The following PRKCA variants were observed in gnomAD, a reference collection of about 807,000 sequenced individuals.
PRKCA encodes protein kinase C alpha, also known as protein kinase C alpha type.
In PRKCA, 27 loss-of-function variants were observed where a neutral mutation model predicts 87.0. The ratio of observed to expected loss-of-function variants is 0.31; its 90% CI spans 0.23 to 0.43. The LOEUF is 0.43. Ranked by LOEUF, PRKCA falls within the 20% of genes least tolerant of loss-of-function variation. The probability of loss-of-function intolerance (pLI) is 1.00; values close to 1 mark genes in which losing one functional copy is unlikely to be tolerated. For missense variants in PRKCA, 518 were observed against 852.3 expected (o/e 0.61, Z 4.88); for synonymous variants, 329 against 311.1 (o/e 1.06, Z -0.61).
At chr17:66,344,178 C>T (rs144804606) in intron 2 of PRKCA, among the ~76,000 whole-genome samples, 299 of 152,238 alleles carry the variant, frequency 2.0e-3, no homozygotes, top group African/African-American at 6.4e-3. Context: ...ATTTCCTATT[C>T]GGCATTTTAG....
At chr17:66,787,968 C>T (rs1276176172) in intron 15 of PRKCA, among the ~76,000 whole-genome samples, 4 of 152,196 alleles carry the variant, frequency 2.6e-5, no homozygotes, top group African/African-American at 4.8e-5. Flanking sequence ...TTGGATTGTT[C>T]CTGCTTTGGT....
intron 3 of PRKCA, among the ~76,000 whole-genome samples, chr17:66,510,028 T>G (rs1338347372): frequency 7.2e-5 from 11 of 152,238 alleles, no homozygotes; most frequent in Admixed American, 7.2e-4. Flanking sequence ...TTGTTTTGTT[T>G]GAGACTTTTG....
chr17:66,406,006 T>G (rs1269510281), intron 2 of PRKCA, among the ~76,000 whole-genome samples: 1 of 152,184 alleles, frequency 6.6e-6, no homozygotes, highest in Non-Finnish European at 1.5e-5. Context: ...CCTTCCCTTT[T>G]CTCCAGCCAG....
At chr17:66,589,544 G>A (rs1598797984) in intron 3 of PRKCA, among the ~76,000 whole-genome samples, 1 of 152,094 alleles carries the variant, frequency 6.6e-6, no homozygotes. Context: ...CAATCTTTAA[G>A]TGAACCTTCT....
intron 3 of PRKCA, among the ~76,000 whole-genome samples, chr17:66,569,421 T>C (rs978803396): frequency 1.3e-5 from 2 of 151,988 alleles, no homozygotes; most frequent in African/African-American, 4.8e-5. Context: ...ATACAAAAAT[T>C]AGCCAGGCAT....
At chr17:66,788,714 C>T in intron 15 of PRKCA, 125 bp from the exon 16 acceptor site, 4 of 1,160,212 alleles carry the variant, frequency 3.4e-6, no homozygotes, top group South Asian at 3.1e-5. Context: ...TCTTGGTCAG[C>T]TCTCTGAGAT....
intron 3 of PRKCA, among the ~76,000 whole-genome samples, chr17:66,574,066 G>T (rs781372129): frequency 1.3e-5 from 2 of 152,130 alleles, no homozygotes; most frequent in Non-Finnish European, 2.9e-5. Flanking sequence ...CAACACCCAG[G>T]GTTGACAAGG....
At chr17:66,642,600 A>G (rs960211352) in intron 4 of PRKCA, among the ~76,000 whole-genome samples, 64 of 152,336 alleles carry the variant, frequency 4.2e-4, no homozygotes, top group African/African-American at 1.5e-3. Context: ...TTCATTTGCT[A>G]TGATGGCCAG....
rs867560554 is a variant in PRKCA, at chr17:66,761,401, A to G, written c.1525-12586A>G. Among the ~76,000 whole-genome samples the G allele has an allele frequency of 5.0e-4, 76 of 150,960 alleles. 1 individual carries two copies. In the Middle Eastern group the frequency reaches 0.011, roughly 21 times the overall value. On this transcript the variant is annotated intron_variant, in intron 13 of 16. Coordinates refer to ENST00000413366, the MANE Select transcript of PRKCA (RefSeq NM_002737.3). ...AAAAAAGATACATAGTTTGGACTCTAGACTCTTTGTTTTTAATCTTGTGGT... is the reference window on the plus strand; with the variant it reads ...AAAAAAGATACATAGTTTGGACTCTGGACTCTTTGTTTTTAATCTTGTGGT...
chr17:66,323,497 A>G (rs1905800989), intron 2 of PRKCA, among the ~76,000 whole-genome samples: 1 of 152,210 alleles, frequency 6.6e-6, no homozygotes, highest in Non-Finnish European at 1.5e-5. Flanking sequence ...TGAGACATCT[A>G]CTGAGTGCTA....
intron 8 of PRKCA, among the ~76,000 whole-genome samples, chr17:66,698,841 T>C (rs563219151): frequency 9.5e-4 from 128 of 134,946 alleles, no homozygotes; most frequent in African/African-American, 3.1e-3. Context: ...AAAAAATAGG[T>C]GTAGTGGTGC....
intron 2 of PRKCA, among the ~76,000 whole-genome samples, chr17:66,331,935 A>T: frequency 6.6e-6 from 1 of 152,188 alleles, no homozygotes; most frequent in East Asian, 1.9e-4. Flanking sequence ...GACAATATAA[A>T]CTACGCATTG....
chr17:66,433,240 A>G (rs1913189136), intron 2 of PRKCA, among the ~76,000 whole-genome samples: 2 of 152,144 alleles, frequency 1.3e-5, no homozygotes, highest in African/African-American at 2.4e-5. Context: ...CCCTGGAGGA[A>G]ACCCCAGGGC....
chr17:66,427,499 A>G (rs1278651875), intron 2 of PRKCA, among the ~76,000 whole-genome samples: 1 of 152,144 alleles, frequency 6.6e-6, no homozygotes, highest in African/African-American at 2.4e-5. Context: ...AAGTTTGTTC[A>G]CTTCTGGTCT....
At chr17:66,781,864 G>GATAT (rs1474229305) in intron 14 of PRKCA, among the ~76,000 whole-genome samples, 2 of 117,326 alleles carry the variant, frequency 1.7e-5, no homozygotes. Flanking sequence ...GAGAGAGAGA[G>GATAT]AGAGATATAT....
At chr17:66,527,305 AG>A (rs1212238260) in intron 3 of PRKCA, among the ~76,000 whole-genome samples, 2 of 152,188 alleles carry the variant, frequency 1.3e-5, no homozygotes, top group African/African-American at 4.8e-5. Flanking sequence ...TAGGAGGTAA[AG>A]TTATCCTGGT....
chr17:66,558,237 G>A (rs1301119662), intron 3 of PRKCA, among the ~76,000 whole-genome samples: 2 of 152,216 alleles, frequency 1.3e-5, no homozygotes, highest in Non-Finnish European at 2.9e-5. Flanking sequence ...TGCAGACACC[G>A]AAGCATAAAC....
At chr17:66,700,169 T>C (rs1435627600) in intron 8 of PRKCA, among the ~76,000 whole-genome samples, 1 of 152,238 alleles carries the variant, frequency 6.6e-6, no homozygotes, top group African/African-American at 2.4e-5. Flanking sequence ...CCAATCAATG[T>C]GATACACAAC....
At chr17:66,573,636 A>G (rs963160450) in intron 3 of PRKCA, among the ~76,000 whole-genome samples, 3 of 152,228 alleles carry the variant, frequency 2.0e-5, no homozygotes, top group African/African-American at 7.2e-5. Context: ...TGTTATAACA[A>G]TGTTGACAGG....
Sources: allele counts gnomAD v4.1 joint callset (sites outside exome capture counted in the v4.1 genomes callset), GRCh38; gene constraint gnomAD v4.1.1; transcripts MANE v1.5; gene names NCBI Gene and HGNC (gene_info 2026-07-23, HGNC 2026-07-21).